SMG6: variants seen among roughly 807,000 people sequenced by gnomAD.
The protein encoded by SMG6 is SMG6 nonsense mediated mRNA decay factor, also known as telomerase-binding protein EST1A.
SMG6 carries 66 observed loss-of-function variants against 142.2 expected under a neutral mutation model. The ratio of observed to expected loss-of-function variants is 0.46; its 90% CI spans 0.38 to 0.57. SMG6 has a LOEUF of 0.57. Ranked by LOEUF, SMG6 falls within the 20% of genes least tolerant of loss-of-function variation. The pLI, the probability that SMG6 is intolerant of heterozygous loss-of-function variation, is 0.00. For synonymous variants in SMG6, 779 were observed against 702.4 expected (o/e 1.11, Z -1.72); for missense variants, 1,793 against 1,832.0 (o/e 0.98, Z 0.39).
At chr17:2,240,595 G>A (rs749438149) in intron 9 of SMG6, among the ~76,000 whole-genome samples, 1 of 152,268 alleles carries the variant, frequency 6.6e-6, no homozygotes, top group East Asian at 1.9e-4. Context: ...GCTCTGACTT[G>A]TTTACTCTCA....
At chr17:2,216,171 G>C (rs533661534) in intron 10 of SMG6, among the ~76,000 whole-genome samples, 2 of 152,228 alleles carry the variant, frequency 1.3e-5, no homozygotes, top group African/African-American at 4.8e-5. Context: ...CTCGGGCAAG[G>C]TGGAAACTCA....
At chr17:2,098,254 C>T (rs1383125108) in intron 13 of SMG6, among the ~76,000 whole-genome samples, 3 of 151,912 alleles carry the variant, frequency 2.0e-5, no homozygotes, top group East Asian at 1.9e-4. Context: ...CCAAAGTGTT[C>T]GGACTACAGG....
chr17:2,166,818 G>A (rs193136671), intron 13 of SMG6, among the ~76,000 whole-genome samples: 111 of 152,142 alleles, frequency 7.3e-4, no homozygotes, highest in African/African-American at 2.6e-3. Context: ...AAATGAAAAA[G>A]CAAAGACAGA....
rs1345225695 is a variant in SMG6 at position 2,080,405 on chromosome 17, G to A, written c.3681+1405C>T. Among the ~76,000 whole-genome samples the A allele has an allele frequency of 3.9e-5, 6 of 152,138 alleles. No homozygotes were observed. In the South Asian group the frequency reaches 6.2e-4, roughly 16 times the overall value. On this transcript the variant is annotated intron_variant, in intron 15 of 18. Coordinates refer to ENST00000263073, the MANE Select transcript of SMG6 (RefSeq NM_017575.5). ...TGGACTCCAGCCTGGGCAACACAGCGAGACTCTGTCTCAAAACAAAAACAA... is the reference window on the plus strand; with the variant it reads ...TGGACTCCAGCCTGGGCAACACAGCAAGACTCTGTCTCAAAACAAAAACAA...
intron 12 of SMG6, among the ~76,000 whole-genome samples, chr17:2,177,059 T>G: frequency 6.6e-6 from 1 of 151,918 alleles, no homozygotes; most frequent in East Asian, 1.9e-4. Flanking sequence ...TGGCTGGTTG[T>G]TTGGGGGATA....
intron 13 of SMG6, chr17:2,088,639 C>T: frequency 1.0e-6 from 1 of 985,428 alleles, no homozygotes; most frequent in Non-Finnish European, 1.2e-6. Context: ...TGGAAGAGTA[C>T]CCTGTCCTTT....
chr17:2,228,062 GTTTTA>G (rs2073367921), intron 10 of SMG6, among the ~76,000 whole-genome samples: 2 of 152,108 alleles, frequency 1.3e-5, no homozygotes, highest in Non-Finnish European at 2.9e-5. Context: ...TATGTGTTTT[GTTTTA>G]TTTTGACTTT....
intron 10 of SMG6, among the ~76,000 whole-genome samples, chr17:2,223,567 G>A (rs2073236660): frequency 6.6e-6 from 1 of 152,118 alleles, no homozygotes; most frequent in Non-Finnish European, 1.5e-5. Context: ...GGGCCAGCAA[G>A]GTTCACCAGA....
chr17:2,161,408 A>T (rs2873195), intron 13 of SMG6, among the ~76,000 whole-genome samples: 110,288 of 150,808 alleles, frequency 0.73, 41,139 homozygotes, highest in African/African-American at 0.86. Context: ...CCCGGCCTTT[A>T]TTTATTTATT....
At chr17:2,108,044 C>T (rs2069200836) in intron 13 of SMG6, among the ~76,000 whole-genome samples, 1 of 152,164 alleles carries the variant, frequency 6.6e-6, no homozygotes, top group South Asian at 2.1e-4. Flanking sequence ...GAGCCTTAGC[C>T]TACAAGATAA....
Position 2,189,849 on chromosome 17 carries a change from A to C in SMG6, c.2870-1334T>G, listed in dbSNP as rs2072106193. 3.4e-5 allele frequency among the ~76,000 whole-genome samples: 5 copies of C among 147,224 alleles called. No individual in the cohort carries two copies. In the South Asian group the frequency reaches 1.0e-3, roughly 30 times the overall value. ...AGGGCCCAACAAACGAATAGCATCC[A>C]GGGTAGTAATTCTTTGATTGTGGCT... is the stretch of plus-strand genomic sequence containing the variant. On this transcript the variant is annotated intron_variant, in intron 10 of 18. Transcript: ENST00000263073.
intron 9 of SMG6, 174 bp from the exon 10 acceptor site, chr17:2,236,811 G>T (rs1187549783): frequency 3.1e-6 from 4 of 1,302,482 alleles, no homozygotes; most frequent in Non-Finnish European, 3.9e-6. Context: ...CCGGTATCCT[G>T]CAATTTTGAA....
intron 8 of SMG6, among the ~76,000 whole-genome samples, chr17:2,256,857 G>GATGA (rs1412442922): frequency 1.3e-5 from 2 of 152,214 alleles, no homozygotes; most frequent in African/African-American, 4.8e-5. Flanking sequence ...GAGAAAAAGA[G>GATGA]ATGAATGTTG....
intron 13 of SMG6, chr17:2,087,171 C>T (rs1295555402): frequency 3.9e-6 from 5 of 1,290,364 alleles, no homozygotes; most frequent in East Asian, 5.5e-5. Context: ...TCATCGTTTT[C>T]GTACGTCACT....
At chr17:2,070,510 AC>A (rs1283152844) in intron 15 of SMG6, among the ~76,000 whole-genome samples, 1 of 152,212 alleles carries the variant, frequency 6.6e-6, no homozygotes, top group Middle Eastern at 3.2e-3. Context: ...GATGGGGCCC[AC>A]AGTGCTGGTC....
chr17:2,095,566 G>A (rs569619447), intron 13 of SMG6, among the ~76,000 whole-genome samples: 17 of 152,206 alleles, frequency 1.1e-4, no homozygotes, highest in Middle Eastern at 3.4e-3. Flanking sequence ...GTTTCACTTG[G>A]GGGGTTGGGT....
At chr17:2,165,727 C>T (rs1350697174) in intron 13 of SMG6, among the ~76,000 whole-genome samples, 1 of 152,120 alleles carries the variant, frequency 6.6e-6, no homozygotes, top group Non-Finnish European at 1.5e-5. Flanking sequence ...CACAGGGAGG[C>T]CTTGCCTCTA....
chr17:2,102,392 T>G (rs1372475013), intron 13 of SMG6, among the ~76,000 whole-genome samples: 1 of 152,144 alleles, frequency 6.6e-6, no homozygotes, highest in Non-Finnish European at 1.5e-5. Context: ...GGTCTTGCTC[T>G]GTCACCCAGG....
At chr17:2,193,341 C>G (rs1044185695) in intron 10 of SMG6, among the ~76,000 whole-genome samples, 1 of 152,308 alleles carries the variant, frequency 6.6e-6, no homozygotes. Context: ...GAAATGCTTC[C>G]TGTACAACCT....
Sources: allele counts gnomAD v4.1 joint callset (sites outside exome capture counted in the v4.1 genomes callset), GRCh38; gene constraint gnomAD v4.1.1; transcripts MANE v1.5; gene names NCBI Gene and HGNC (gene_info 2026-07-23, HGNC 2026-07-21).